Variants in CCSER1 observed in about 807,000 individuals in gnomAD.
CCSER1 encodes the protein coiled-coil serine rich protein 1, also known as serine-rich coiled-coil domain-containing protein 1.
Under a neutral mutation model 82.0 loss-of-function variants are expected in CCSER1, and 41 were observed. That is an observed-to-expected ratio of 0.50 (90% confidence interval 0.39 to 0.65). The LOEUF is 0.65. CCSER1 is among the 30% of genes least tolerant of loss of function. The pLI is 0.00. For synonymous variants in CCSER1, 414 were observed against 383.9 expected (o/e 1.08, Z -0.92); for missense variants, 1,119 against 1,064.2 (o/e 1.05, Z -0.72).
intron 10 of CCSER1, among the ~76,000 whole-genome samples, chr4:91,170,832 T>A (rs1472087774): frequency 1.3e-5 from 2 of 152,180 alleles, no homozygotes; most frequent in Admixed American, 6.5e-5. Context: ...TGGGAAATGA[T>A]TAACCATTTT....
At chr4:90,346,266 C>T (rs1178906488) in intron 3 of CCSER1, among the ~76,000 whole-genome samples, 2 of 151,934 alleles carry the variant, frequency 1.3e-5, no homozygotes, top group Non-Finnish European at 2.9e-5. Context: ...GTGATCAAAA[C>T]AATATTTAAA....
At chr4:90,944,662 A>G (rs1732019825) in intron 9 of CCSER1, among the ~76,000 whole-genome samples, 1 of 152,172 alleles carries the variant, frequency 6.6e-6, no homozygotes, top group East Asian at 1.9e-4. Context: ...ATGCTCATAA[A>G]TCCATAAATT....
Position 90,127,443 on chromosome 4 carries a change from A to G in CCSER1, c.-430A>G, listed in dbSNP as rs900852647. The G allele has an allele frequency of 2.0e-5, 3 of 152,278 alleles. No homozygotes were observed. The highest frequency in any genetic ancestry group is 4.4e-5 in the Non-Finnish European group (3 of 68,238). 9.4% of individuals were successfully genotyped at this position (152,278 alleles called of 1,614,324 possible). ...GGGAGGTGGATCTCGCGCTCCCCAC[A>G]CAGTCACACTCCGCGCACTCACACA... On this transcript the variant is annotated 5_prime_UTR_variant, in exon 1 of 11. Transcript: ENST00000509176.
chr4:90,808,121 A>G (rs888965618), intron 7 of CCSER1, among the ~76,000 whole-genome samples: 4 of 152,134 alleles, frequency 2.6e-5, no homozygotes, highest in Non-Finnish European at 4.4e-5. Context: ...TGACAAAGCC[A>G]ACAAAAACAT....
chr4:91,470,839 C>T (rs1178971720), intron 10 of CCSER1, among the ~76,000 whole-genome samples: 1 of 152,072 alleles, frequency 6.6e-6, no homozygotes, highest in African/African-American at 2.4e-5. Context: ...ATTCCCTCTT[C>T]CCCCCACAAA....
At chr4:90,464,876 A>C (rs1011834110) in intron 4 of CCSER1, among the ~76,000 whole-genome samples, 1 of 152,228 alleles carries the variant, frequency 6.6e-6, no homozygotes, top group Non-Finnish European at 1.5e-5. Context: ...TTAACTTTTT[A>C]AGTGCAATTA....
chr4:90,690,853 A>G (rs141665164), intron 6 of CCSER1, among the ~76,000 whole-genome samples: 2 of 152,222 alleles, frequency 1.3e-5, no homozygotes, highest in South Asian at 2.1e-4. Context: ...CCATGAACCC[A>G]GAATACAAAG....
At chr4:91,462,495 T>C (rs1756565830) in intron 10 of CCSER1, among the ~76,000 whole-genome samples, 1 of 151,986 alleles carries the variant, frequency 6.6e-6, no homozygotes, top group Admixed American at 6.5e-5. Flanking sequence ...TCACTGGGGT[T>C]TGTTGGACAG....
chr4:91,033,422 C>T (rs1489495317), intron 9 of CCSER1, among the ~76,000 whole-genome samples: 1 of 152,116 alleles, frequency 6.6e-6, no homozygotes, highest in Admixed American at 6.6e-5. Context: ...TTCCTTTGCA[C>T]TCCAGTCTCC....
chr4:90,612,347 G>A (rs542450018), intron 5 of CCSER1, among the ~76,000 whole-genome samples: 29 of 152,216 alleles, frequency 1.9e-4, no homozygotes, highest in South Asian at 1.0e-3. Flanking sequence ...TTTGGAGAAC[G>A]GGGTATATTT....
intron 1 of CCSER1, among the ~76,000 whole-genome samples, chr4:90,159,053 A>G (rs931468607): frequency 3.3e-5 from 5 of 152,066 alleles, no homozygotes; most frequent in African/African-American, 1.2e-4. Flanking sequence ...AGGTTTTAAG[A>G]GATGTGGTCT....
chr4:90,197,036 C>G (rs900575686), intron 1 of CCSER1, among the ~76,000 whole-genome samples: 2 of 152,044 alleles, frequency 1.3e-5, no homozygotes, highest in African/African-American at 4.8e-5. Context: ...CTTGCCAGCC[C>G]CAGGTTGAGA....
chr4:90,168,248 T>A (rs1332428405), intron 1 of CCSER1, among the ~76,000 whole-genome samples: 1 of 152,200 alleles, frequency 6.6e-6, no homozygotes, highest in Non-Finnish European at 1.5e-5. Context: ...TTATTTCATG[T>A]GTCTTTTGGC....
chr4:90,562,256 A>G (rs1015637385), intron 5 of CCSER1, among the ~76,000 whole-genome samples: 1 of 151,468 alleles, frequency 6.6e-6, no homozygotes, highest in Non-Finnish European at 1.5e-5. Context: ...CATACTGTGT[A>G]CTCTCCAGTG....
chr4:90,950,477 T>C (rs1204740452), intron 9 of CCSER1, among the ~76,000 whole-genome samples: 1 of 151,970 alleles, frequency 6.6e-6, no homozygotes, highest in Non-Finnish European at 1.5e-5. Context: ...TAATCAAATA[T>C]AGAAACTCTT....
At chr4:90,810,732 T>C (rs555815538) in intron 7 of CCSER1, among the ~76,000 whole-genome samples, 1 of 152,172 alleles carries the variant, frequency 6.6e-6, no homozygotes, top group African/African-American at 2.4e-5. Flanking sequence ...CTTTAAGTAT[T>C]GCATGAAATG....
At position 91,274,109 on chromosome 4, in the gene CCSER1, T is replaced by C. The variant is rs78289214; in HGVS notation, c.2217+188115T>C. Among the ~76,000 whole-genome samples the C allele has an allele frequency of 8.4e-3, 1,284 of 152,322 alleles. 47 individuals are homozygous for C. Among genetic ancestry groups the C allele is most frequent in the Admixed American group, 0.063 (962 of 15,298 alleles). On this transcript the variant is annotated intron_variant, in intron 10 of 10. Coordinates refer to ENST00000509176, the MANE Select transcript of CCSER1 (RefSeq NM_001145065.2). ...GTAAATGAGCACTTTGGTAATACAC[T>C]ATCTTAGATTTGGCATCTTATTAAA...
chr4:90,728,615 G>A (rs1024756464), intron 7 of CCSER1, among the ~76,000 whole-genome samples: 1 of 151,984 alleles, frequency 6.6e-6, no homozygotes, highest in African/African-American at 2.4e-5. Flanking sequence ...CAGGAGGTTC[G>A]CTTGAGCTCA....
chr4:90,629,040 G>T (rs1050668360), intron 6 of CCSER1, among the ~76,000 whole-genome samples: 1 of 151,982 alleles, frequency 6.6e-6, no homozygotes, highest in African/African-American at 2.4e-5. Context: ...TATTTAAGTA[G>T]ATTTATCTTT....
Sources: gnomAD v4.1 joint callset for allele counts (sites outside exome capture counted in the v4.1 genomes callset) on GRCh38, gnomAD v4.1.1 for gene constraint, MANE v1.5 for transcripts, NCBI Gene and HGNC (gene_info 2026-07-23, HGNC 2026-07-21) for gene names.